Variants in TEX9 observed in about 807,000 individuals in gnomAD.
TEX9 encodes testis-expressed protein 9.
Under a neutral mutation model 59.6 loss-of-function variants are expected in TEX9, and 74 were observed. The ratio of observed to expected loss-of-function variants is 1.24; its 90% CI spans 1.03 to 1.51. TEX9 has a LOEUF of 1.51. TEX9 is among the 40% of genes most tolerant of loss of function. The pLI is 0.00. For synonymous variants in TEX9, 186 were observed against 152.2 expected, an observed-to-expected ratio of 1.22 and a Z score of -1.64; for missense variants, 522 against 447.8, an observed-to-expected ratio of 1.17 and a Z score of -1.49.
At chr15:56,357,798 C>T (rs1555435646) in intron 1 of TEX9, among the ~76,000 whole-genome samples, 1 of 152,012 alleles carries the variant, frequency 6.6e-6, no homozygotes, top group Non-Finnish European at 1.5e-5. Context: ...TTTGCTTGCT[C>T]ATTGTTGTGA....
intron 12 of TEX9, among the ~76,000 whole-genome samples, chr15:56,440,883 ATTTGGGTTATTTCTACT>A (rs1307036755): frequency 1.1e-4 from 16 of 152,228 alleles, no homozygotes; most frequent in Admixed American, 5.9e-4. Flanking sequence ...TCCATTAGAC[ATTTGGGTTATTTCTACT>A]TTTGGGTTAT....
intron 1 of TEX9, among the ~76,000 whole-genome samples, chr15:56,332,411 T>C (rs2046167587): frequency 1.4e-5 from 2 of 146,510 alleles, no homozygotes; most frequent in Admixed American, 7.0e-5. Context: ...TAGGTGGGAA[T>C]TGAACAATGA....
intron 1 of TEX9, among the ~76,000 whole-genome samples, chr15:56,317,234 C>A (rs193292018): frequency 2.0e-5 from 3 of 152,360 alleles, no homozygotes; most frequent in African/African-American, 7.2e-5. Flanking sequence ...TGAATCTATT[C>A]AGATTTTCTC....
intron 1 of TEX9, among the ~76,000 whole-genome samples, chr15:56,260,340 A>G (rs2044236295): frequency 6.6e-6 from 1 of 152,010 alleles, no homozygotes; most frequent in Admixed American, 6.6e-5. Context: ...ATATTTCACC[A>G]CTAAATATGT....
At chr15:56,285,998 T>A (rs950896729) in intron 1 of TEX9, among the ~76,000 whole-genome samples, 1 of 152,180 alleles carries the variant, frequency 6.6e-6, no homozygotes, top group Non-Finnish European at 1.5e-5. Context: ...GGCCATTGGA[T>A]TTTTATGAAA....
downstream of TEX9, chr15:56,446,846 G>T: frequency 6.3e-7 from 1 of 1,599,034 alleles, no homozygotes; most frequent in Admixed American, 1.7e-5. Context: ...ATTACCATTT[G>T]TTCATATTTA....
At chr15:56,419,597 T>C (rs2049868005) in intron 10 of TEX9, among the ~76,000 whole-genome samples, 1 of 151,840 alleles carries the variant, frequency 6.6e-6, no homozygotes, top group Non-Finnish European at 1.5e-5. Flanking sequence ...TTGGTGATGG[T>C]GTGTCATTAT....
chr15:56,460,009 A>AAATATATAT, the TEX9 span, among the ~76,000 whole-genome samples: 2 of 26,404 alleles, frequency 7.6e-5, no homozygotes, highest in African/African-American at 3.0e-4. Flanking sequence ...AAAAAAAAAA[A>AAATATATAT]ATACATATAT....
At chr15:56,435,069 G>A (rs980771279) in intron 12 of TEX9, among the ~76,000 whole-genome samples, 9 of 151,914 alleles carry the variant, frequency 5.9e-5, no homozygotes, top group Admixed American at 2.6e-4. Flanking sequence ...GGGCCAAAGA[G>A]GGAATGCCAA....
At chr15:56,346,929 T>C (rs1244140535) in intron 1 of TEX9, among the ~76,000 whole-genome samples, 2 of 152,194 alleles carry the variant, frequency 1.3e-5, no homozygotes, top group Non-Finnish European at 2.9e-5. Context: ...TTCTGTATAC[T>C]AGCAATGAAC....
intron 1 of TEX9, among the ~76,000 whole-genome samples, chr15:56,315,078 C>T (rs1183904080): frequency 1.3e-5 from 2 of 151,288 alleles, no homozygotes; most frequent in East Asian, 3.9e-4. Flanking sequence ...GAATACAGCA[C>T]AGTGATGGGT....
chr15:56,272,194 G>GT (rs2044551412), intron 1 of TEX9, among the ~76,000 whole-genome samples: 1 of 151,808 alleles, frequency 6.6e-6, no homozygotes, highest in Non-Finnish European at 1.5e-5. Context: ...TCACAGTGTT[G>GT]TACAGCTGTC....
chr15:56,394,609 G>T, intron 8 of TEX9, 52 bp from the exon 9 acceptor site: 1 of 1,312,018 alleles, frequency 7.6e-7, no homozygotes, highest in South Asian at 1.4e-5. Context: ...GCTTTGTTTT[G>T]ATAACAAATC....
chr15:56,429,000 A>G, intron 12 of TEX9: 1 of 614,456 alleles, frequency 1.6e-6, no homozygotes. Flanking sequence ...AAATCCAAAC[A>G]GACAATGGAT....
chr15:56,325,968 C>T (rs535660011), intron 1 of TEX9, among the ~76,000 whole-genome samples: 113 of 152,222 alleles, frequency 7.4e-4, no homozygotes, highest in African/African-American at 2.6e-3. Flanking sequence ...ATACGGTCCC[C>T]AATTATTTAA....
intron 12 of TEX9, among the ~76,000 whole-genome samples, chr15:56,437,645 G>A (rs1413411815): frequency 6.6e-6 from 1 of 152,138 alleles, no homozygotes; most frequent in East Asian, 1.9e-4. Flanking sequence ...GAAAGAAAGG[G>A]TATTCAATTA....
chr15:56,399,590 A>G (rs2048667555), intron 9 of TEX9, among the ~76,000 whole-genome samples: 2 of 152,222 alleles, frequency 1.3e-5, no homozygotes, highest in South Asian at 4.1e-4. Flanking sequence ...CCTGTCTGAC[A>G]GGTCTGAAGG....
intron 1 of TEX9, chr15:56,323,252 G>A: frequency 4.6e-6 from 1 of 217,492 alleles, no homozygotes. Context: ...AGTGCTCAGA[G>A]TAGTGGAAGA....
At chr15:56,263,047 G>C (rs745535691) in intron 1 of TEX9, among the ~76,000 whole-genome samples, 6 of 151,946 alleles carry the variant, frequency 3.9e-5, no homozygotes, top group Non-Finnish European at 8.8e-5. Context: ...TTTTTGAGAC[G>C]GAGTTTTGGT....
Sources: gnomAD v4.1 joint callset for allele counts (sites outside exome capture counted in the v4.1 genomes callset) on GRCh38, gnomAD v4.1.1 for gene constraint, MANE v1.5 for transcripts, NCBI Gene and HGNC (gene_info 2026-07-23, HGNC 2026-07-21) for gene names.